TRIM14: variants seen among roughly 807,000 people sequenced by gnomAD.
The protein encoded by TRIM14 is tripartite motif containing 14, also known as tripartite motif-containing protein 14.
Under a neutral mutation model 44.5 loss-of-function variants are expected in TRIM14, and 28 were observed. That is an observed-to-expected ratio of 0.63 (90% CI 0.47 to 0.86). The LOEUF (loss-of-function observed/expected upper bound fraction) is 0.86, where lower values mean the gene tolerates loss of function less well. Ranked by LOEUF, TRIM14 falls within the 40% of genes least tolerant of loss-of-function variation. The pLI is 0.00. For synonymous variants in TRIM14, 299 were observed against 269.2 expected (o/e 1.11, Z -1.08); for missense variants, 607 against 611.1 (o/e 0.99, Z 0.07).
At chr9:98,056,775 C>A in the TRIM14 span, 2 of 1,603,182 alleles carry the variant, frequency 1.2e-6, no homozygotes, top group Admixed American at 1.7e-5. Flanking sequence ...CGGACCCAGA[C>A]TGGTAGTGAG....
chr9:98,102,975 A>G (rs1826455191), intron 2 of TRIM14, among the ~76,000 whole-genome samples: 1 of 152,176 alleles, frequency 6.6e-6, no homozygotes, highest in African/African-American at 2.4e-5. Context: ...TCATGAGGTC[A>G]GGAGTTCAAG....
rs371294183 is a variant in TRIM14, at chr9:98,118,766, C to T, written c.207+216G>A. On this transcript the variant is annotated intron_variant, in intron 1 of 5. Transcript: ENST00000341469. ...ACTCCTAAACCCACCTTTTCTGAAG[C>T]TCAACTGATGGCTTTGGCTCGCCTT... 2.6e-4 allele frequency among the ~76,000 whole-genome samples: 39 copies of T among 152,348 alleles called. No individual in the cohort carries two copies. The East Asian group carries it at 6.0e-3, about 23-fold the overall frequency.
intron 6 of TRIM14, chr9:98,077,989 G>A: frequency 1.6e-6 from 1 of 623,338 alleles, no homozygotes; most frequent in Admixed American, 3.0e-5. Context: ...ACACTGTCGG[G>A]GGGCAGAGGG....
intron 1 of TRIM14, 62 bp from the exon 2 acceptor site, chr9:98,110,046 C>T: frequency 2.4e-6 from 3 of 1,265,782 alleles, no homozygotes; most frequent in South Asian, 2.4e-5. Flanking sequence ...AACAGGCCCC[C>T]CACAGGGGTC....
At chr9:98,061,160 G>C in the TRIM14 span, 5 of 652,170 alleles carry the variant, frequency 7.7e-6, no homozygotes, top group Non-Finnish European at 1.1e-5. Context: ...GAATCTGTGG[G>C]AAGGATGCCA....
the TRIM14 span, among the ~76,000 whole-genome samples, chr9:98,041,577 C>T: frequency 3.0e-4 from 46 of 152,146 alleles, no homozygotes; most frequent in African/African-American, 1.0e-3. Flanking sequence ...CTGTAACCTC[C>T]GCCTTCTGGG....
downstream of TRIM14, chr9:98,081,117 C>A: frequency 1.2e-6 from 2 of 1,609,174 alleles, no homozygotes; most frequent in South Asian, 1.1e-5. Context: ...GTTCTGCTGC[C>A]GTGTGTGGAA....
intron 1 of TRIM14, 56 bp downstream of exon 1, chr9:98,118,926 G>T: frequency 7.0e-7 from 1 of 1,438,410 alleles, no homozygotes; most frequent in South Asian, 1.4e-5. Flanking sequence ...CGGCCGTTAT[G>T]CCTGGGCTGG....
the TRIM14 span, among the ~76,000 whole-genome samples, chr9:98,045,011 G>A: frequency 6.6e-6 from 1 of 152,124 alleles, no homozygotes; most frequent in Non-Finnish European, 1.5e-5. Context: ...TACGTGAGAG[G>A]CTGAGGCAGG....
chr9:98,081,674 ACCTTCTTG>A (rs1041727768), downstream of TRIM14: 1 of 152,354 alleles, frequency 6.6e-6, no homozygotes, highest in African/African-American at 2.4e-5. Context: ...CGTGGCCTGG[ACCTTCTTG>A]CCTTCTGAGT....
At chr9:98,042,242 A>T in the TRIM14 span, among the ~76,000 whole-genome samples, 1 of 149,806 alleles carries the variant, frequency 6.7e-6, no homozygotes, top group South Asian at 2.1e-4. Context: ...GCAGTGAGCC[A>T]AGATGGTGTC....
At position 98,119,080 on chromosome 9, in the gene TRIM14, G is replaced by T. The variant is rs911013094; in HGVS notation, c.109C>A (p.Arg37Ser). Residue 37 changes from arginine (R) to serine (S), a missense_variant, in exon 1 of 6, where the codon CGC becomes AGC. Arg to Ser is a moderately radical substitution (Grantham distance 110). Around this residue, in one of 3 missense-constraint regions of TRIM14, gnomAD observed 246 missense variants for 270.8 expected, o/e 0.91. Transcript: ENST00000341469. ...GCGCACACGCAGCGGCGGCAGCGGC[G>T]ACAGAAGAGCTCAGCCACGCGGTCG... ...HGDRVAELFC[R>S]RCRRCVCALC... 15 of 1,584,098 alleles carry T rather than the reference G, an allele frequency of 9.5e-6. No individual in the cohort carries two copies. The East Asian group carries it at 3.0e-4, about 32-fold the overall frequency.
rs79082438 is a variant in TRIM14, at chr9:98,109,296, G to C, written c.303+593C>G. 5.1e-3 allele frequency among the ~76,000 whole-genome samples: 738 copies of C among 145,876 alleles called. 31 individuals carry two copies. In the East Asian group the frequency reaches 0.081, roughly 16 times the overall value. On this transcript the variant is annotated intron_variant, in intron 2 of 5. Transcript: ENST00000341469. ...AGGGGGAGGGAGCAACAGGATGAAA[G>C]GGGGAGGGAGCAACGGAGGATGCAA... is the stretch of plus-strand genomic sequence containing the variant.
intron 4 of TRIM14, chr9:98,092,466 C>A: frequency 2.6e-6 from 1 of 380,610 alleles, no homozygotes. Flanking sequence ...TTGCCTCCTT[C>A]CCAGCTATTG....
chr9:98,115,994 C>T (rs10818493), intron 1 of TRIM14: 18,467 of 149,362 alleles, frequency 0.12, 1,343 homozygotes, highest in East Asian at 0.25. Flanking sequence ...AGTGAGACCC[C>T]GCCTCTATTA....
chr9:98,059,441 G>T, the TRIM14 span, among the ~76,000 whole-genome samples: 1 of 152,002 alleles, frequency 6.6e-6, no homozygotes, highest in East Asian at 1.9e-4. Context: ...TTGAGTCAAG[G>T]TCTCACTCTG....
chr9:98,109,851 G>A (rs1826776966), intron 2 of TRIM14, 38 bp downstream of exon 2: 2 of 1,533,226 alleles, frequency 1.3e-6, no homozygotes, highest in African/African-American at 1.4e-5. Flanking sequence ...GGGAAATGTG[G>A]GTCTTTCCAT....
chr9:98,060,605 G>T, the TRIM14 span, among the ~76,000 whole-genome samples: 14 of 151,534 alleles, frequency 9.2e-5, no homozygotes, highest in African/African-American at 3.2e-4. Context: ...GGGAGGCATT[G>T]GTTGTAGTGA....
chr9:98,108,058 T>A (rs1441314268), intron 2 of TRIM14, among the ~76,000 whole-genome samples: 1 of 149,922 alleles, frequency 6.7e-6, no homozygotes, highest in East Asian at 2.0e-4. Context: ...TAAGTTGACA[T>A]AAAACTATAC....
Sources: gnomAD v4.1 joint callset for allele counts (sites outside exome capture counted in the v4.1 genomes callset) on GRCh38, gnomAD v4.1.1 for gene constraint, gnomAD v4.1.1 regional missense constraint, MANE v1.5 for transcripts, NCBI Gene and HGNC (gene_info 2026-07-23, HGNC 2026-07-21) for gene names.